LAMA5: variants seen among roughly 807,000 people sequenced by gnomAD.
LAMA5 encodes the protein laminin subunit alpha-5.
In LAMA5, 260 loss-of-function variants were observed where a neutral mutation model predicts 433.4. The observed-to-expected ratio is 0.60, with a 90% CI of 0.54 to 0.66. The LOEUF (loss-of-function observed/expected upper bound fraction) is 0.66. Ranked by LOEUF, LAMA5 falls within the 30% of genes least tolerant of loss-of-function variation. LAMA5 has a pLI of 0.00. For missense variants in LAMA5, 5,378 were observed against 5,258.5 expected (o/e 1.02, Z -0.70); for synonymous variants, 2,620 against 2,226.6 (o/e 1.18, Z -4.97).
chr20:62,338,152 T>TGCAGA lies in LAMA5; in HGVS notation c.1757-7_1757-3dup. On this transcript the variant is annotated splice_polypyrimidine_tract_variant and splice_region_variant and intron_variant, in intron 13 of 79. Transcript: ENST00000252999. The stretch of plus-strand genomic sequence containing the variant: ...TTCCTGCAGGGCTGCAGCCACACAC[T>TGCAGA]GCAGAGCGGAGCGGGTGTCACGGTA... 1 of 1,578,418 alleles carries TGCAGA rather than the reference T, an allele frequency of 6.3e-7. No individual in the cohort carries two copies. The highest frequency in any genetic ancestry group is 8.6e-7 in the Non-Finnish European group (1 of 1,160,050).
At position 62,310,778 on chromosome 20, in the gene LAMA5, G is replaced by C. The variant is rs770399366; in HGVS notation, c.10333C>G (p.Arg3445Gly). 1.3e-6 allele frequency: 2 copies of C among 1,552,838 alleles called. No homozygotes were observed. The highest frequency in any genetic ancestry group is 1.7e-6 in the Non-Finnish European group (2 of 1,150,224). The change falls in exon 75 of 80, where the codon CGG becomes GGG. Residue 3445 changes from arginine (R) to glycine (G), a missense_variant. Transcript: ENST00000252999. ...TGCGGCCCCTCCTGGCTCCAGGCCC[G>C]GGCCCCGTCCGTCACCAGCAGGATC... ...NRILLVTDGA[R>G]AWSQEGPHRQ...
chr20:62,346,377 G>T (rs749278433), intron 9 of LAMA5, 129 bp downstream of exon 9: 3 of 1,354,130 alleles, frequency 2.2e-6, no homozygotes, highest in Admixed American at 4.4e-5. Context: ...CCCGTGGCCT[G>T]GGAGGCTCCT....
chr20:62,336,061 C>T (rs1015169540), intron 18 of LAMA5, among the ~76,000 whole-genome samples: 18 of 147,544 alleles, frequency 1.2e-4, no homozygotes, highest in South Asian at 6.6e-4. Context: ...TTAGGGCACA[C>T]TCACAGGCTC....
In LAMA5 at chr20:62,332,377, A is replaced by G. The variant is rs1980631871; in HGVS notation, c.3547T>C (p.Phe1183Leu). ...VRLTAEQARF[F>L]LHGVTLVPIE... is the part of the protein sequence containing the mutation. ...GGGACCTGAGGGGTCCTTACCAGGA[A>G]GAAGCGTGCCTGTTCGGCTGTGAGC... Residue 1183 changes from phenylalanine (F) to leucine (L), a missense_variant, in exon 28 of 80, where the codon TTC becomes CTC. Transcript: ENST00000252999. The G allele has an allele frequency of 1.2e-6, 2 of 1,610,784 alleles. No homozygotes were observed. Among genetic ancestry groups the G allele is most frequent in the South Asian group, 1.1e-5 (1 of 91,048 alleles).
At chr20:62,316,617 G>C in intron 57 of LAMA5, 54 bp downstream of exon 57, 1 of 1,363,628 alleles carries the variant, frequency 7.3e-7, no homozygotes, top group Admixed American at 2.5e-5. Context: ...GAGGGTCCCT[G>C]GGAGCTCAGA....
At chr20:62,323,747 C>T (rs1978758982) in intron 44 of LAMA5, 29 bp downstream of exon 44, 2 of 1,602,422 alleles carry the variant, frequency 1.2e-6, no homozygotes, top group Non-Finnish European at 1.7e-6. Flanking sequence ...GCACTCAGGC[C>T]CTGCCCCACT....
At position 62,309,447 on chromosome 20, in the gene LAMA5, G is replaced by A. The variant is rs769541786; in HGVS notation, c.10977C>T (p.Pro3659=). 2.1e-5 allele frequency: 34 copies of A among 1,583,168 alleles called. No homozygotes were observed. Among genetic ancestry groups the A allele is most frequent in the Admixed American group, 8.7e-5 (5 of 57,434 alleles). ...PEPMAVQPWP[P]AYCGCMRRLA... ...GCCTCCTCATGCAGCCGCAGTAGGCGGGGGGCCAGGGCTGCACGGCCATGG... is the reference window on the plus strand; with the variant it reads ...GCCTCCTCATGCAGCCGCAGTAGGCAGGGGGCCAGGGCTGCACGGCCATGG... The change falls in exon 80 of 80, where the codon CCC becomes CCT. Residue 3659 remains proline, a synonymous_variant. Coordinates refer to ENST00000252999, the MANE Select transcript of LAMA5 (RefSeq NM_005560.6).
chr20:62,321,079 G>A (rs547777602), intron 48 of LAMA5, among the ~76,000 whole-genome samples, 189 bp from the exon 49 acceptor site: 26 of 149,944 alleles, frequency 1.7e-4, no homozygotes, highest in Non-Finnish European at 2.7e-4. Context: ...GGAGTCAGAT[G>A]GGAGTGAAGG....
Position 62,312,054 on chromosome 20 carries a change from G to A in LAMA5, c.9505-4C>T. The A allele has an allele frequency of 1.9e-6, 3 of 1,611,206 alleles. No individual in the cohort carries two copies. Among genetic ancestry groups the A allele is most frequent in the Non-Finnish European group, 2.5e-6 (3 of 1,178,896 alleles). ...GGGACACCTGGCATAGCCCATCCTG[G>A]GGACGGCAGCCAGGTCAGCCGGCCG... On this transcript the variant is annotated splice_polypyrimidine_tract_variant and splice_region_variant and intron_variant, in intron 69 of 79. Transcript: ENST00000252999.
Position 62,310,723 on chromosome 20 carries a change from T to G in LAMA5, c.10388A>C (p.Gln3463Pro). ...GCCGCCCACAAAGAGGGTGTGGGGC[T>G]GGGGGTGCTCTGCCCCCTGGTGCTG... ...HRQHQGAEHPQPHTLFVGGLP... is the reference protein window; with the variant it reads ...HRQHQGAEHPPPHTLFVGGLP... Residue 3463 changes from glutamine (Q) to proline (P), a missense_variant, in exon 75 of 80, where the codon CAG (glutamine) becomes CCG (proline). By Grantham distance (76) the Gln-to-Pro change is moderately conservative. Transcript: ENST00000252999. 1 of 1,595,158 alleles carries G rather than the reference T, an allele frequency of 6.3e-7. No homozygotes were observed. Among genetic ancestry groups the G allele is most frequent in the Non-Finnish European group, 8.5e-7 (1 of 1,174,060 alleles).
At position 62,337,921 on chromosome 20, in the gene LAMA5, G is replaced by A. The variant is rs753478596; in HGVS notation, c.1909C>T (p.Arg637Trp). ...PNCQACTCDP[R>W]GALDQLCGAG... Reference sequence around the variant, plus strand: ...CCACAGAGCTGGTCCAGGGCTCCCCGAGGGTCGCAGGTGCATGCTGCAGAG... The same window carrying A: ...CCACAGAGCTGGTCCAGGGCTCCCCAAGGGTCGCAGGTGCATGCTGCAGAG... Residue 637 changes from arginine (R) to tryptophan (W), a missense_variant, in exon 15 of 80, where the codon CGG (arginine) becomes TGG (tryptophan). By Grantham distance (101) the Arg-to-Trp change is moderately radical. Transcript: ENST00000252999. 1.9e-5 allele frequency: 30 copies of A among 1,610,112 alleles called. No homozygotes were observed. Among genetic ancestry groups the A allele is most frequent in the South Asian group, 3.3e-5 (3 of 90,846 alleles).
At chr20:62,325,642 G>A in intron 40 of LAMA5, 96 bp from the exon 41 acceptor site, 4 of 777,574 alleles carry the variant, frequency 5.1e-6, no homozygotes, top group Non-Finnish European at 8.2e-6. Flanking sequence ...GGATGGAGGG[G>A]CACAAAGACC....
At chr20:62,327,440 G>A in intron 37 of LAMA5, 34 bp from the exon 38 acceptor site, 1 of 1,593,844 alleles carries the variant, frequency 6.3e-7, no homozygotes, top group Non-Finnish European at 8.6e-7. Context: ...CACACGGGTG[G>A]ATGCCCACAC....
intron 38 of LAMA5, 83 bp from the exon 39 acceptor site, chr20:62,327,049 A>C: frequency 8.5e-7 from 1 of 1,175,860 alleles, no homozygotes; most frequent in Non-Finnish European, 1.2e-6. Flanking sequence ...GGGCACCCCC[A>C]GCACAGAGCC....
intron 48 of LAMA5, among the ~76,000 whole-genome samples, chr20:62,321,445 A>G (rs188206813): frequency 0.015 from 14 of 916 alleles, 2 homozygotes; most frequent in African/African-American, 0.031. Context: ...TAGGGCCAGC[A>G]GAGGGGTAGG....
intron 11 of LAMA5, among the ~76,000 whole-genome samples, chr20:62,343,950 G>C (rs1487672038): frequency 2.0e-5 from 3 of 151,682 alleles, no homozygotes; most frequent in Non-Finnish European, 4.4e-5. Flanking sequence ...TTCGAGACCA[G>C]CCTGACCAAC....
At position 62,330,906 on chromosome 20, in the gene LAMA5, TG is replaced by T. The variant is rs1407278236; in HGVS notation, c.3688del (p.Gln1230SerfsTer10). ...CLPSRFPKPPQPIILRDCQVI... is the reference protein window; with the variant it reads ...CLPSRFPKPPXPIILRDCQVI... ...CTGGCAGTCCCTGAGGATGATGGGC[TG>T]GGGCGGCTTTGGGAAGCGCGAGGGC... On this transcript the variant is annotated frameshift_variant, in exon 30 of 80. Coordinates refer to ENST00000252999, the MANE Select transcript of LAMA5 (RefSeq NM_005560.6). LOFTEE classifies it high-confidence loss of function. 1.3e-6 allele frequency: 2 copies of T among 1,548,106 alleles called. No individual in the cohort carries two copies. The highest frequency in any genetic ancestry group is 1.7e-6 in the Non-Finnish European group (2 of 1,146,208).
chr20:62,328,590 G>T (rs1979747951), intron 34 of LAMA5, 145 bp from the exon 35 acceptor site: 7 of 888,750 alleles, frequency 7.9e-6, no homozygotes, highest in Non-Finnish European at 1.2e-5. Context: ...GCTGAGCCTT[G>T]GACAGCTCCT....
At chr20:62,363,540 C>CGGGGCAGGGATGAGGAGAG (rs1322716165) in intron 1 of LAMA5, among the ~76,000 whole-genome samples, 7 of 151,956 alleles carry the variant, frequency 4.6e-5, no homozygotes, top group Non-Finnish European at 8.8e-5. Flanking sequence ...TGCTGGGAGC[C>CGGGGCAGGGATGAGGAGAG]GGGGCAGGGA....
Sources: gnomAD v4.1 joint callset for allele counts (sites outside exome capture counted in the v4.1 genomes callset) on GRCh38, gnomAD v4.1.1 for gene constraint, MANE v1.5 for transcripts, NCBI Gene and HGNC (gene_info 2026-07-23, HGNC 2026-07-21) for gene names.